The following ASXL3 variants were observed in gnomAD, a reference collection of about 807,000 sequenced individuals.
The protein encoded by ASXL3 is putative Polycomb group protein ASXL3.
A neutral mutation model predicts 170.6 loss-of-function variants in ASXL3; 34 were observed. The observed-to-expected ratio is 0.20, with a 90% CI of 0.15 to 0.27. The LOEUF (loss-of-function observed/expected upper bound fraction) is 0.27, where lower values mean the gene tolerates loss of function less well. ASXL3 is among the 10% of genes least tolerant of loss of function. The pLI, the probability that ASXL3 is intolerant of heterozygous loss-of-function variation, is 1.00. For missense variants in ASXL3, 2,592 were observed against 2,695.3 expected (o/e 0.96, Z 0.85); for synonymous variants, 1,002 against 989.1 (o/e 1.01, Z -0.24).
intron 1 of ASXL3, 21 bp downstream of exon 1, chr18:33,578,706 G>A: frequency 1.6e-6 from 2 of 1,212,836 alleles, no homozygotes; most frequent in Non-Finnish European, 2.1e-6. Context: ...CCCCCCACAC[G>A]CCGCCCGCGC....
rs1402544366 is a variant in ASXL3, at chr18:33,738,680, G to A, written c.1276G>A (p.Val426Ile). The A allele has an allele frequency of 1.9e-6, 3 of 1,613,812 alleles. No individual in the cohort carries two copies. Among genetic ancestry groups the A allele is most frequent in the Admixed American group, 1.7e-5 (1 of 59,994 alleles). Residue 426 changes from valine to isoleucine, a missense_variant, in exon 11 of 12, where the codon GTA becomes ATA. By Grantham distance (29) the Val-to-Ile change is conservative (BLOSUM62 3). Around this residue, in one of 4 missense-constraint regions of ASXL3, gnomAD observed 2,246 missense variants for 2,219.6 expected, o/e 1.01. Transcript: ENST00000269197. ...TTTCTGTGCTACTCTTTGCCCTATG[G>A]TAGAAATTCCACCTAAAGATATAAT... Reference protein sequence around the residue: ...PGFCATLCPMVEIPPKDIMAE... With the variant: ...PGFCATLCPMIEIPPKDIMAE...
chr18:33,587,333 C>A (rs1195102973), intron 1 of ASXL3, among the ~76,000 whole-genome samples: 1 of 152,140 alleles, frequency 6.6e-6, no homozygotes, highest in African/African-American at 2.4e-5. Flanking sequence ...TAAAACACAT[C>A]AAACTAGTTA....
chr18:33,620,112 C>T (rs577585988), intron 2 of ASXL3, among the ~76,000 whole-genome samples: 1 of 152,126 alleles, frequency 6.6e-6, no homozygotes, highest in Non-Finnish European at 1.5e-5. Flanking sequence ...GTATGAAAAC[C>T]TCACCCTTTC....
chr18:33,711,293 G>A (rs1234763489), intron 8 of ASXL3, among the ~76,000 whole-genome samples: 1 of 151,960 alleles, frequency 6.6e-6, no homozygotes, highest in Non-Finnish European at 1.5e-5. Flanking sequence ...TTATGCGCTT[G>A]TATGCAAATT....
intron 1 of ASXL3, among the ~76,000 whole-genome samples, chr18:33,600,478 G>T (rs922493429): frequency 2.6e-5 from 4 of 151,404 alleles, no homozygotes; most frequent in African/African-American, 9.8e-5. Flanking sequence ...GCAAATTTCT[G>T]TAGTAGGAAG....
At chr18:33,729,279 C>T (rs1442924902) in intron 8 of ASXL3, among the ~76,000 whole-genome samples, 2 of 152,136 alleles carry the variant, frequency 1.3e-5, no homozygotes, top group African/African-American at 4.8e-5. Flanking sequence ...AGGAGGACAG[C>T]AGGAGAGTGA....
chr18:33,686,291 G>C (rs1351842941), intron 8 of ASXL3, among the ~76,000 whole-genome samples: 1 of 152,184 alleles, frequency 6.6e-6, no homozygotes, highest in Non-Finnish European at 1.5e-5. Context: ...ACAGAAGGGA[G>C]AAAAACAACT....
chr18:33,705,787 A>T (rs2066945802), intron 8 of ASXL3, among the ~76,000 whole-genome samples: 1 of 151,974 alleles, frequency 6.6e-6, no homozygotes, highest in Non-Finnish European at 1.5e-5. Context: ...TGCCCACCTG[A>T]TAGCTGTACA....
At chr18:33,648,887 T>C (rs1399863495) in intron 4 of ASXL3, among the ~76,000 whole-genome samples, 1 of 152,052 alleles carries the variant, frequency 6.6e-6, no homozygotes, top group African/African-American at 2.4e-5. Context: ...GAATTCATGA[T>C]GAAGATTAGG....
chr18:33,578,692 A>G lies in ASXL3; in HGVS notation c.54+7A>G, dbSNP rs775335979. Reference sequence around the variant, plus strand: ...GGCCGAGGCTGCCCGCCTGGTACGTACCGCCCCCCACACGCCGCCCGCGCC... The same window carrying G: ...GGCCGAGGCTGCCCGCCTGGTACGTGCCGCCCCCCACACGCCGCCCGCGCC... On this transcript the variant is annotated splice_region_variant and intron_variant, in intron 1 of 11. Coordinates refer to ENST00000269197, the MANE Select transcript of ASXL3 (RefSeq NM_030632.3). 9.4e-6 allele frequency: 12 copies of G among 1,272,096 alleles called. No homozygotes were observed. The highest frequency in any genetic ancestry group is 1.2e-5 in the Non-Finnish European group (12 of 989,270). The allele number at this position is 1,272,096 out of a possible 1,614,324, so 78.8% of individuals were successfully genotyped here.
intron 10 of ASXL3, among the ~76,000 whole-genome samples, chr18:33,736,130 A>ATAAC (rs2067542581): frequency 6.6e-6 from 1 of 152,194 alleles, no homozygotes; most frequent in African/African-American, 2.4e-5. Flanking sequence ...AGGTTATTAA[A>ATAAC]TAACTTGCTT....
At chr18:33,731,812 GCT>G (rs1038056903) in intron 8 of ASXL3, among the ~76,000 whole-genome samples, 154 bp from the exon 9 acceptor site, 4 of 151,788 alleles carry the variant, frequency 2.6e-5, no homozygotes, top group Non-Finnish European at 4.4e-5. Flanking sequence ...TGGAGCTCCT[GCT>G]CTCTCTCTCC....
chr18:33,709,723 T>C (rs1362809885), intron 8 of ASXL3, among the ~76,000 whole-genome samples: 4 of 152,216 alleles, frequency 2.6e-5, no homozygotes, highest in African/African-American at 9.6e-5. Context: ...GCCATGCTTA[T>C]GATTCATTCA....
chr18:33,658,543 C>A (rs949731715), intron 4 of ASXL3, among the ~76,000 whole-genome samples: 13 of 152,096 alleles, frequency 8.5e-5, no homozygotes, highest in Non-Finnish European at 1.6e-4. Flanking sequence ...GGGTGAATTG[C>A]AAATATGTCC....
intron 2 of ASXL3, among the ~76,000 whole-genome samples, chr18:33,615,602 A>G (rs1208229066): frequency 2.0e-5 from 3 of 152,194 alleles, no homozygotes; most frequent in South Asian, 4.1e-4. Context: ...AAAAAATGCA[A>G]TATCTGCGAA....
chr18:33,608,925 T>C, intron 2 of ASXL3: 1 of 505,392 alleles, frequency 2.0e-6, no homozygotes, highest in Non-Finnish European at 2.6e-6. Context: ...CACAATTTAC[T>C]GGCGTACAGG....
intron 8 of ASXL3, among the ~76,000 whole-genome samples, chr18:33,685,336 T>G (rs992490282): frequency 2.0e-5 from 3 of 152,216 alleles, no homozygotes; most frequent in Non-Finnish European, 4.4e-5. Context: ...TGTTCTCCAG[T>G]AGTCACAATT....
intron 4 of ASXL3, among the ~76,000 whole-genome samples, chr18:33,661,081 G>A (rs1179175876): frequency 1.3e-5 from 2 of 152,138 alleles, no homozygotes; most frequent in Non-Finnish European, 2.9e-5. Flanking sequence ...AAGCATCTCA[G>A]ATTTCTTTTT....
intron 1 of ASXL3, among the ~76,000 whole-genome samples, chr18:33,595,444 T>G (rs2065117252): frequency 6.6e-6 from 1 of 152,182 alleles, no homozygotes; most frequent in African/African-American, 2.4e-5. Context: ...TTTTAAAATA[T>G]CCTATGAAAG....
Sources: gnomAD v4.1 joint callset for allele counts (sites outside exome capture counted in the v4.1 genomes callset) on GRCh38, gnomAD v4.1.1 for gene constraint, gnomAD v4.1.1 regional missense constraint, MANE v1.5 for transcripts, NCBI Gene and HGNC (gene_info 2026-07-23, HGNC 2026-07-21) for gene names.